PDE8A: variants seen among roughly 807,000 people sequenced by gnomAD.
PDE8A encodes the protein phosphodiesterase 8A, also known as high affinity cAMP-specific and IBMX-insensitive 3',5'-cyclic phosphodiesterase 8A.
PDE8A carries 59 observed loss-of-function variants against 105.0 expected under a neutral mutation model. That is an observed-to-expected ratio of 0.56 (90% CI 0.46 to 0.70). PDE8A has a LOEUF of 0.70. PDE8A is among the 30% of genes least tolerant of loss of function. The pLI is 0.00. For synonymous variants in PDE8A, 355 were observed against 371.9 expected, an observed-to-expected ratio of 0.95 and a Z score of 0.52; for missense variants, 1,014 against 1,045.9, an observed-to-expected ratio of 0.97 and a Z score of 0.42.
intron 8 of PDE8A, among the ~76,000 whole-genome samples, chr15:85,095,412 C>T (rs893470616): frequency 3.9e-5 from 6 of 152,042 alleles, no homozygotes; most frequent in African/African-American, 1.2e-4. Context: ...GGGGTGATAT[C>T]GGCTCACTGC....
intron 1 of PDE8A, among the ~76,000 whole-genome samples, chr15:85,050,762 T>C (rs942237823): frequency 2.6e-5 from 4 of 152,212 alleles, no homozygotes; most frequent in African/African-American, 7.2e-5. Flanking sequence ...TCTTCAGTTA[T>C]GTTCTTTTCA....
chr15:85,009,437 T>C (rs923771933), intron 1 of PDE8A, among the ~76,000 whole-genome samples: 1 of 152,210 alleles, frequency 6.6e-6, no homozygotes, highest in African/African-American at 2.4e-5. Flanking sequence ...AGATCCTTCT[T>C]TGTAATGGAA....
At chr15:85,056,865 C>G (rs1274593334) in intron 1 of PDE8A, among the ~76,000 whole-genome samples, 2 of 152,210 alleles carry the variant, frequency 1.3e-5, no homozygotes, top group Admixed American at 6.5e-5. Flanking sequence ...TGGCGAGGAG[C>G]TGCGTTCCTT....
At chr15:85,057,279 ACTGT>A (rs2081076103) in intron 1 of PDE8A, among the ~76,000 whole-genome samples, 3 of 152,290 alleles carry the variant, frequency 2.0e-5, no homozygotes, top group East Asian at 3.9e-4. Flanking sequence ...GAGGAGGCAG[ACTGT>A]CTGTTCTCAG....
At chr15:85,131,947 G>C (rs1340950007) in intron 20 of PDE8A, among the ~76,000 whole-genome samples, 1 of 152,032 alleles carries the variant, frequency 6.6e-6, no homozygotes, top group African/African-American at 2.4e-5. Flanking sequence ...TTTCTGCTGA[G>C]AAATGAGCAG....
chr15:85,068,838 G>A (rs979576399), intron 3 of PDE8A, among the ~76,000 whole-genome samples: 19 of 152,148 alleles, frequency 1.2e-4, no homozygotes, highest in African/African-American at 4.3e-4. Context: ...ATCTTGTATT[G>A]TAAAAGAAAA....
intron 11 of PDE8A, among the ~76,000 whole-genome samples, chr15:85,107,713 C>A (rs560383790): frequency 6.6e-6 from 1 of 152,238 alleles, no homozygotes; most frequent in East Asian, 1.9e-4. Flanking sequence ...ATAATGAATT[C>A]ATTTGCAGTG....
intron 13 of PDE8A, 40 bp downstream of exon 13, chr15:85,113,487 C>G (rs1296492246): frequency 6.8e-7 from 1 of 1,469,366 alleles, no homozygotes; most frequent in Admixed American, 1.7e-5. Flanking sequence ...AGCACACATA[C>G]TCCTTGTTCT....
intron 1 of PDE8A, among the ~76,000 whole-genome samples, chr15:85,057,496 C>T (rs778621565): frequency 1.2e-4 from 18 of 152,146 alleles, no homozygotes; most frequent in Non-Finnish European, 8.8e-5. Flanking sequence ...CCGGGTGAGG[C>T]GATGCCCCTC....
rs2082206015 is a variant in PDE8A at position 85,123,082 on chromosome 15, C to T, written c.1974C>T (p.Arg658=). The change falls in exon 19 of 22, where the codon CGC becomes CGT. Residue 658 remains arginine (R), a synonymous_variant. Coordinates refer to ENST00000394553, the MANE Select transcript of PDE8A (RefSeq NM_002605.3). ...ACAGGAATGATTATCGGACACTGCGCCAGGGGATTATCGACATGGTCTTAG... is the reference window on the plus strand; with the variant it reads ...ACAGGAATGATTATCGGACACTGCGTCAGGGGATTATCGACATGGTCTTAG... ...NMERNDYRTL[R]QGIIDMVLAT... 6.2e-7 allele frequency: 1 copy of T among 1,613,892 alleles called. No homozygotes were observed. The highest frequency in any genetic ancestry group is 8.5e-7 in the Non-Finnish European group (1 of 1,179,966).
chr15:85,044,826 G>A (rs185238298), intron 1 of PDE8A, among the ~76,000 whole-genome samples: 1 of 152,330 alleles, frequency 6.6e-6, no homozygotes, highest in East Asian at 1.9e-4. Flanking sequence ...AGAAGAATCA[G>A]ATTATGTCAC....
At chr15:85,028,945 CA>C (rs1397049868) in intron 1 of PDE8A, among the ~76,000 whole-genome samples, 1 of 152,122 alleles carries the variant, frequency 6.6e-6, no homozygotes, top group Non-Finnish European at 1.5e-5. Context: ...AGTTAAATTG[CA>C]GTCCAACAAA....
At chr15:85,059,180 A>T (rs1302005985) in intron 1 of PDE8A, among the ~76,000 whole-genome samples, 1 of 152,116 alleles carries the variant, frequency 6.6e-6, no homozygotes. Context: ...CAATTTTGTG[A>T]ATTTTCCAGT....
chr15:85,080,231 T>A, intron 5 of PDE8A, among the ~76,000 whole-genome samples: 1 of 152,194 alleles, frequency 6.6e-6, no homozygotes, highest in East Asian at 1.9e-4. Flanking sequence ...TGTTTCCCCC[T>A]TTTTGGACAA....
intron 1 of PDE8A, among the ~76,000 whole-genome samples, chr15:85,045,788 G>T (rs962525679): frequency 5.9e-5 from 9 of 152,124 alleles, no homozygotes; most frequent in African/African-American, 2.2e-4. Flanking sequence ...CTCTTTCCAG[G>T]CTGTGTCCCT....
At chr15:84,988,348 G>A (rs903362431) in intron 1 of PDE8A, among the ~76,000 whole-genome samples, 1 of 152,168 alleles carries the variant, frequency 6.6e-6, no homozygotes, top group Non-Finnish European at 1.5e-5. Context: ...TCTTGAATCT[G>A]CATTATCAGG....
At chr15:85,126,454 A>C in intron 20 of PDE8A, 80 bp downstream of exon 20, 1 of 1,049,268 alleles carries the variant, frequency 9.5e-7, no homozygotes, top group Non-Finnish European at 1.3e-6. Flanking sequence ...TGGACTTAAC[A>C]CTAGGAAATA....
chr15:85,037,755 A>G (rs1170524284), intron 1 of PDE8A, among the ~76,000 whole-genome samples: 2 of 152,244 alleles, frequency 1.3e-5, no homozygotes, highest in African/African-American at 4.8e-5. Context: ...AAATGATATC[A>G]GCAGATGTGC....
chr15:85,115,076 G>T (rs2082075035), intron 14 of PDE8A, among the ~76,000 whole-genome samples: 1 of 152,158 alleles, frequency 6.6e-6, no homozygotes, highest in Non-Finnish European at 1.5e-5. Flanking sequence ...GAAGGACTGA[G>T]GGCAGAGCAC....
Sources: allele counts gnomAD v4.1 joint callset (sites outside exome capture counted in the v4.1 genomes callset), GRCh38; gene constraint gnomAD v4.1.1; transcripts MANE v1.5; gene names NCBI Gene and HGNC (gene_info 2026-07-23, HGNC 2026-07-21).